The following SLC14A2 variants were observed in gnomAD, a reference collection of about 807,000 sequenced individuals.
SLC14A2 encodes urea transporter 2.
SLC14A2 carries 91 observed loss-of-function variants against 104.6 expected under a neutral mutation model. The ratio of observed to expected loss-of-function variants is 0.87; its 90% confidence interval spans 0.73 to 1.04. The LOEUF is 1.04. Ranked by LOEUF, SLC14A2 falls within the 50% of genes least tolerant of loss-of-function variation. The pLI is 0.00. For missense variants in SLC14A2, 1,189 were observed against 1,156.0 expected, an observed-to-expected ratio of 1.03 and a Z score of -0.41; for synonymous variants, 476 against 466.4, an observed-to-expected ratio of 1.02 and a Z score of -0.27.
intron 1 of SLC14A2, among the ~76,000 whole-genome samples, chr18:45,623,390 T>C (rs1487268960): frequency 2.0e-5 from 3 of 152,092 alleles, no homozygotes; most frequent in African/African-American, 4.8e-5. Context: ...GGGATGAAGA[T>C]GATTAGTAGG....
chr18:45,458,821 T>C, intron 1 of SLC14A2, among the ~76,000 whole-genome samples: 1 of 152,138 alleles, frequency 6.6e-6, no homozygotes, highest in East Asian at 1.9e-4. Context: ...GAGTCACATG[T>C]CAACAGACAC....
intron 1 of SLC14A2, among the ~76,000 whole-genome samples, chr18:45,408,237 C>T (rs2086177863): frequency 6.6e-6 from 1 of 152,166 alleles, no homozygotes; most frequent in Non-Finnish European, 1.5e-5. Context: ...GTAACCACCA[C>T]TGAGATCATT....
chr18:45,589,096 T>C (rs922581312), intron 2 of SLC14A2, among the ~76,000 whole-genome samples: 4 of 152,208 alleles, frequency 2.6e-5, no homozygotes, highest in Non-Finnish European at 5.9e-5. Flanking sequence ...CTCCACTCAT[T>C]ATGGCACATA....
intron 2 of SLC14A2, among the ~76,000 whole-genome samples, chr18:45,608,548 T>C (rs1220898197): frequency 6.6e-6 from 1 of 152,234 alleles, no homozygotes; most frequent in Non-Finnish European, 1.5e-5. Context: ...ACCCTCCTTT[T>C]AGAAAACATA....
rs1375265254 is a variant in SLC14A2, at chr18:45,407,643, T to C, written c.-124-75590T>C. On this transcript the variant is annotated intron_variant, in intron 1 of 20. Coordinates refer to the SLC14A2 transcript ENST00000586448. ...ACTTAATCATGTCTAGCTGTTTATT[T>C]AAAGTGAGAGGCATATAACTCTATT... 2.0e-5 allele frequency among the ~76,000 whole-genome samples: 3 copies of C among 152,174 alleles called. No individual in the cohort carries two copies. The East Asian group carries it at 5.8e-4, about 29-fold the overall frequency.
intron 1 of SLC14A2, among the ~76,000 whole-genome samples, chr18:45,425,683 T>C (rs2086414392): frequency 6.6e-6 from 1 of 152,172 alleles, no homozygotes; most frequent in African/African-American, 2.4e-5. Flanking sequence ...TTTAAATATC[T>C]TCTAGTAACG....
chr18:45,172,066 G>A, the SLC14A2 span, among the ~76,000 whole-genome samples: 19 of 152,092 alleles, frequency 1.2e-4, no homozygotes, highest in African/African-American at 4.1e-4. Flanking sequence ...TATCAATGTC[G>A]TAAGCAGTGA....
At chr18:45,212,727 A>G (rs1452276618), upstream of SLC14A2, among the ~76,000 whole-genome samples, 1 of 152,232 alleles carries the variant, frequency 6.6e-6, no homozygotes, top group African/African-American at 2.4e-5. Context: ...ACACACACGT[A>G]TGCCACCCCA....
At chr18:45,410,662 A>G (rs1267426632) in intron 1 of SLC14A2, among the ~76,000 whole-genome samples, 1 of 152,174 alleles carries the variant, frequency 6.6e-6, no homozygotes, top group Non-Finnish European at 1.5e-5. Context: ...TTCCATATTT[A>G]CAAATTAGCC....
intron 1 of SLC14A2, among the ~76,000 whole-genome samples, chr18:45,342,850 G>A (rs1251359254): frequency 6.6e-6 from 1 of 152,120 alleles, no homozygotes; most frequent in Non-Finnish European, 1.5e-5. Flanking sequence ...CTCTGTCCTT[G>A]GAAGAAATAT....
chr18:45,594,525 TC>T (rs2044695525), intron 2 of SLC14A2, among the ~76,000 whole-genome samples: 2 of 152,086 alleles, frequency 1.3e-5, no homozygotes, highest in South Asian at 4.1e-4. Context: ...CTCTCTCTGA[TC>T]CCCTCCTCTC....
chr18:45,253,083 C>T (rs1297929970), intron 1 of SLC14A2, among the ~76,000 whole-genome samples: 1 of 152,134 alleles, frequency 6.6e-6, no homozygotes, highest in East Asian at 1.9e-4. Context: ...ATTCTTAATC[C>T]CTTCTGCATC....
chr18:45,584,975 G>A (rs991435221), intron 2 of SLC14A2, among the ~76,000 whole-genome samples: 13 of 152,274 alleles, frequency 8.5e-5, no homozygotes, highest in Admixed American at 6.5e-4. Flanking sequence ...TAGTCTGTGG[G>A]CAAGTCAATT....
At chr18:45,621,968 T>G (rs1352806331) in intron 1 of SLC14A2, among the ~76,000 whole-genome samples, 1 of 152,032 alleles carries the variant, frequency 6.6e-6, no homozygotes, top group Non-Finnish European at 1.5e-5. Context: ...TTACAAGTAC[T>G]AAAAGGAGGC....
At chr18:45,573,033 A>T (rs2144340671) in intron 2 of SLC14A2, among the ~76,000 whole-genome samples, 1 of 152,368 alleles carries the variant, frequency 6.6e-6, no homozygotes, top group South Asian at 2.1e-4. Context: ...ACAGACAGAA[A>T]AATGGGCACA....
At chr18:45,476,111 C>T (rs2087374571) in intron 1 of SLC14A2, among the ~76,000 whole-genome samples, 2 of 152,224 alleles carry the variant, frequency 1.3e-5, no homozygotes, top group South Asian at 2.1e-4. Flanking sequence ...TTTGCAGTGG[C>T]TGGTACCGGT....
intron 1 of SLC14A2, among the ~76,000 whole-genome samples, chr18:45,431,304 GGTCTGTGT>G (rs2086511178): frequency 6.6e-6 from 1 of 151,972 alleles, no homozygotes; most frequent in Admixed American, 6.6e-5. Context: ...TGTTGTGCGT[GGTCTGTGT>G]GTCTGTGTGT....
chr18:45,379,504 C>T (rs1220363964), intron 1 of SLC14A2, among the ~76,000 whole-genome samples: 1 of 152,188 alleles, frequency 6.6e-6, no homozygotes, highest in Non-Finnish European at 1.5e-5. Context: ...GTTTCAGAAC[C>T]ACCCTTCCGA....
At chr18:45,385,333 C>T (rs905170166) in intron 1 of SLC14A2, among the ~76,000 whole-genome samples, 1 of 152,234 alleles carries the variant, frequency 6.6e-6, no homozygotes, top group African/African-American at 2.4e-5. Flanking sequence ...GGGAGTTGGG[C>T]TGCTGCAAGC....
Sources: gnomAD v4.1 joint callset for allele counts (sites outside exome capture counted in the v4.1 genomes callset) on GRCh38, gnomAD v4.1.1 for gene constraint, MANE v1.5 for transcripts, NCBI Gene and HGNC (gene_info 2026-07-23, HGNC 2026-07-21) for gene names.